Variants in FUT8 observed in about 807,000 individuals in gnomAD.
FUT8 encodes fucosyltransferase 8.
In FUT8, 29 loss-of-function variants were observed where a neutral mutation model predicts 71.3. That is an observed-to-expected ratio of 0.41 (90% confidence interval 0.30 to 0.55). FUT8 has a LOEUF of 0.55. Among genes scored for constraint, FUT8 ranks in the 20% least tolerant of loss-of-function variants. The pLI, the probability that FUT8 is intolerant of heterozygous loss-of-function variation, is 0.34. For synonymous variants in FUT8, 254 were observed against 239.3 expected (o/e 1.06, Z -0.57); for missense variants, 544 against 702.1 (o/e 0.77, Z 2.55).
chr14:65,441,356 T>C (rs1233268015), intron 1 of FUT8, among the ~76,000 whole-genome samples: 1 of 152,206 alleles, frequency 6.6e-6, no homozygotes, highest in Non-Finnish European at 1.5e-5. Flanking sequence ...TTTAGAAAAG[T>C]ATACATATAT....
chr14:65,426,886 T>G (rs1307083643), intron 1 of FUT8, among the ~76,000 whole-genome samples: 9 of 151,246 alleles, frequency 6.0e-5, no homozygotes. Context: ...TGAGACGGAG[T>G]CTCTCTTTGT....
chr14:65,698,282 C>G (rs960509543), intron 7 of FUT8, among the ~76,000 whole-genome samples: 1 of 152,120 alleles, frequency 6.6e-6, no homozygotes, highest in Non-Finnish European at 1.5e-5. Context: ...TATCGAAATG[C>G]TCAAAGATCA....
At chr14:65,740,562 T>C (rs111406846) in intron 10 of FUT8, among the ~76,000 whole-genome samples, 12,828 of 152,086 alleles carry the variant, frequency 0.084, 858 homozygotes, top group African/African-American at 0.18. Flanking sequence ...CTCATGGTTC[T>C]GCAGGCTATA....
intron 3 of FUT8, among the ~76,000 whole-genome samples, chr14:65,586,579 C>T (rs1438097975): frequency 6.6e-6 from 1 of 151,998 alleles, no homozygotes; most frequent in Non-Finnish European, 1.5e-5. Flanking sequence ...GAATAGCATG[C>T]CAACAAAATT....
the FUT8 span, among the ~76,000 whole-genome samples, chr14:65,385,660 T>C: frequency 6.6e-6 from 1 of 152,284 alleles, no homozygotes; most frequent in East Asian, 1.9e-4. Context: ...ATGGCAGAAG[T>C]TATAATTGTC....
chr14:65,699,051 AATT>A (rs1894143461), intron 7 of FUT8, among the ~76,000 whole-genome samples: 1 of 151,994 alleles, frequency 6.6e-6, no homozygotes, highest in Non-Finnish European at 1.5e-5. Context: ...CAGGGATACT[AATT>A]ATTAACTCTC....
upstream of FUT8, chr14:65,410,898 T>G (rs1283535445): frequency 6.6e-6 from 1 of 151,946 alleles, no homozygotes; most frequent in Non-Finnish European, 1.5e-5. Context: ...CCTTCCTGCT[T>G]CTTCTATCTT....
At chr14:65,530,109 T>C (rs1001697484) in intron 2 of FUT8, among the ~76,000 whole-genome samples, 6 of 152,212 alleles carry the variant, frequency 3.9e-5, no homozygotes, top group African/African-American at 1.4e-4. Flanking sequence ...AATAGGTCTT[T>C]CTGTAACTCT....
At chr14:65,443,592 C>T (rs1037636283) in intron 1 of FUT8, among the ~76,000 whole-genome samples, 10 of 151,586 alleles carry the variant, frequency 6.6e-5, no homozygotes, top group African/African-American at 2.2e-4. Context: ...TGGTGGTGTG[C>T]GCTTGTGGTC....
chr14:65,379,775 C>G, the FUT8 span, among the ~76,000 whole-genome samples: 2 of 152,104 alleles, frequency 1.3e-5, no homozygotes, highest in African/African-American at 2.4e-5. Flanking sequence ...ATTTATTTCT[C>G]ATAGTTGTAG....
chr14:65,739,235 A>G (rs75294235), intron 10 of FUT8, among the ~76,000 whole-genome samples: 3,717 of 152,058 alleles, frequency 0.024, 137 homozygotes, highest in African/African-American at 0.085. Context: ...GCTATCTTTA[A>G]TGGTCATTCT....
intron 2 of FUT8, among the ~76,000 whole-genome samples, chr14:65,510,760 A>G (rs1394508363): frequency 6.6e-6 from 1 of 152,012 alleles, no homozygotes; most frequent in Non-Finnish European, 1.5e-5. Context: ...TTTCTGTGAT[A>G]TCGGTTGTAC....
At chr14:65,586,443 G>A (rs2411356) in intron 3 of FUT8, among the ~76,000 whole-genome samples, 96,073 of 152,014 alleles carry the variant, frequency 0.63, 30,653 homozygotes, top group East Asian at 0.88. Context: ...TTTAATTAGG[G>A]TATTGAGCCA....
chr14:65,508,230 G>C (rs1012244551), intron 2 of FUT8, among the ~76,000 whole-genome samples: 4 of 151,682 alleles, frequency 2.6e-5, no homozygotes, highest in Non-Finnish European at 5.9e-5. Context: ...GCTATGCCTG[G>C]CTAATTTTTT....
chr14:65,406,217 A>G (rs189951449), upstream of FUT8, among the ~76,000 whole-genome samples: 4 of 152,370 alleles, frequency 2.6e-5, no homozygotes, highest in Admixed American at 2.6e-4. Context: ...CTATATGTCA[A>G]GAATTGTACT....
At chr14:65,733,111 T>C in intron 9 of FUT8, 120 bp from the exon 10 acceptor site, 1 of 606,500 alleles carries the variant, frequency 1.6e-6, no homozygotes, top group Non-Finnish European at 2.8e-6. Context: ...AACTACAGTA[T>C]TAAATGCCAT....
intron 2 of FUT8, among the ~76,000 whole-genome samples, chr14:65,537,635 C>G (rs1884411147): frequency 6.6e-6 from 1 of 152,170 alleles, no homozygotes; most frequent in African/African-American, 2.4e-5. Flanking sequence ...GATCCACCCA[C>G]CTTGGCCTCC....
intron 3 of FUT8, among the ~76,000 whole-genome samples, chr14:65,569,510 A>G (rs1886366949): frequency 1.3e-5 from 2 of 151,748 alleles, no homozygotes. Context: ...ACACACAGTT[A>G]GTAATTTTTT....
At chr14:65,478,898 T>C (rs1315589717) in intron 2 of FUT8, among the ~76,000 whole-genome samples, 1 of 152,234 alleles carries the variant, frequency 6.6e-6, no homozygotes. Flanking sequence ...CTTTTGTCTG[T>C]TTTTGCTTTA....
Sources: gnomAD v4.1 joint callset for allele counts (sites outside exome capture counted in the v4.1 genomes callset) on GRCh38, gnomAD v4.1.1 for gene constraint, MANE v1.5 for transcripts, NCBI Gene and HGNC (gene_info 2026-07-23, HGNC 2026-07-21) for gene names.